NEK5: variants seen among roughly 807,000 people sequenced by gnomAD.
NEK5 encodes the protein NIMA related kinase 5, also known as serine/threonine-protein kinase Nek5.
Under a neutral mutation model 109.2 loss-of-function variants are expected in NEK5, and 88 were observed. That is an observed-to-expected ratio of 0.81 (90% CI 0.68 to 0.96). The LOEUF is 0.96. NEK5 is among the 40% of genes least tolerant of loss of function. The pLI is 0.00. For missense variants in NEK5, 834 were observed against 920.7 expected (o/e 0.91, Z 1.22); for synonymous variants, 283 against 299.9 (o/e 0.94, Z 0.58).
At chr13:52,079,966 G>C (rs1286553262) in intron 17 of NEK5, among the ~76,000 whole-genome samples, 3 of 151,734 alleles carry the variant, frequency 2.0e-5, no homozygotes, top group African/African-American at 4.8e-5. Context: ...TGTCTGGGAG[G>C]TGAGGAGCGT....
intron 23 of NEK5, among the ~76,000 whole-genome samples, chr13:52,047,861 A>G (rs776601164): frequency 1.3e-5 from 2 of 152,144 alleles, no homozygotes; most frequent in Non-Finnish European, 2.9e-5. Flanking sequence ...TGTTAAGTAA[A>G]TTATAATAAA....
intron 17 of NEK5, chr13:52,082,430 G>A: frequency 5.4e-6 from 4 of 743,868 alleles, no homozygotes; most frequent in Admixed American, 5.0e-5. Flanking sequence ...ATAACTCCTT[G>A]GAAAGTAAAA....
Position 52,102,249 on chromosome 13 carries a change from T to G in NEK5, c.653A>C (p.Gln218Pro). 6.2e-7 allele frequency: 1 copy of G among 1,614,146 alleles called. No homozygotes were observed. Among genetic ancestry groups the G allele is most frequent in the Non-Finnish European group, 8.5e-7 (1 of 1,180,008 alleles). ...NLQQLVLKIC[Q>P]AHFAPISPGF... Reference sequence around the variant, plus strand: ...CGGAGATATTGGGGCAAAATGTGCTTGACAAATCTTCAGAACCAGCTGCTG... The same window carrying G: ...CGGAGATATTGGGGCAAAATGTGCTGGACAAATCTTCAGAACCAGCTGCTG... Residue 218 changes from glutamine to proline, a missense_variant, in exon 10 of 24, where the codon CAA (glutamine) becomes CCA (proline). By Grantham distance (76) the Gln-to-Pro change is moderately conservative. Around this residue, in one of 2 missense-constraint regions of NEK5, gnomAD observed 777 missense variants for 824.7 expected, o/e 0.94. Coordinates refer to ENST00000684899, the MANE Select transcript of NEK5 (RefSeq NM_001365552.1).
intron 15 of NEK5, among the ~76,000 whole-genome samples, chr13:52,086,728 G>A (rs1008339127): frequency 4.6e-5 from 7 of 152,206 alleles, no homozygotes; most frequent in African/African-American, 1.4e-4. Flanking sequence ...TTGAAAACAG[G>A]GTCGCTGCAG....
At chr13:52,105,691 C>T (rs542096609) in intron 8 of NEK5, among the ~76,000 whole-genome samples, 1 of 152,260 alleles carries the variant, frequency 6.6e-6, no homozygotes, top group South Asian at 2.1e-4. Context: ...TCAGGCAGTA[C>T]TGCAGCCACC....
At chr13:52,079,471 C>A (rs373315457) in intron 17 of NEK5, among the ~76,000 whole-genome samples, 1 of 152,182 alleles carries the variant, frequency 6.6e-6, no homozygotes, top group Non-Finnish European at 1.5e-5. Flanking sequence ...GACTGGTTTT[C>A]GTATTTTTTT....
At chr13:52,123,969 A>G (rs781111066) in intron 3 of NEK5, among the ~76,000 whole-genome samples, 1 of 152,154 alleles carries the variant, frequency 6.6e-6, no homozygotes, top group Non-Finnish European at 1.5e-5. Context: ...GTTTTGGAGC[A>G]AATCAGAGAG....
At chr13:52,078,566 A>G (rs901209976) in intron 17 of NEK5, among the ~76,000 whole-genome samples, 5 of 151,158 alleles carry the variant, frequency 3.3e-5, no homozygotes, top group Non-Finnish European at 7.4e-5. Context: ...GTGGTTTATT[A>G]TGATCAATTA....
intron 21 of NEK5, among the ~76,000 whole-genome samples, chr13:52,063,534 ATCGT>A (rs1954633663): frequency 1.3e-5 from 1 of 74,396 alleles, no homozygotes; most frequent in African/African-American, 5.2e-5. Flanking sequence ...CCGGCCGCCC[ATCGT>A]CTGGGACGTG....
chr13:52,080,464 G>A (rs1210846131), intron 17 of NEK5, among the ~76,000 whole-genome samples: 1 of 152,180 alleles, frequency 6.6e-6, no homozygotes, highest in Non-Finnish European at 1.5e-5. Flanking sequence ...GGAAAGGCGG[G>A]GAAAAGATTG....
chr13:52,101,325 G>A (rs994325503), intron 11 of NEK5, among the ~76,000 whole-genome samples: 4 of 152,118 alleles, frequency 2.6e-5, no homozygotes, highest in African/African-American at 4.8e-5. Flanking sequence ...GCATGAACCC[G>A]GGAGGTGGAG....
chr13:52,080,104 CA>C (rs1954962433), intron 17 of NEK5, among the ~76,000 whole-genome samples: 1 of 151,954 alleles, frequency 6.6e-6, no homozygotes, highest in African/African-American at 2.4e-5. Context: ...ATCCGCCCGG[CA>C]GCCACCCCGT....
intron 12 of NEK5, among the ~76,000 whole-genome samples, chr13:52,096,023 T>C (rs192327440): frequency 5.8e-4 from 88 of 152,260 alleles, no homozygotes; most frequent in African/African-American, 2.0e-3. Flanking sequence ...CAAAAGTTTG[T>C]AGCGGCTACC....
chr13:52,082,034 G>A (rs972562647), intron 17 of NEK5, among the ~76,000 whole-genome samples: 3 of 152,140 alleles, frequency 2.0e-5, no homozygotes, highest in Non-Finnish European at 4.4e-5. Context: ...ATAATAATTC[G>A]CTCAGGCGGG....
intron 8 of NEK5, among the ~76,000 whole-genome samples, chr13:52,106,611 C>T (rs533173110): frequency 1.2e-4 from 19 of 152,030 alleles, no homozygotes; most frequent in Non-Finnish European, 2.5e-4. Context: ...ACTAAAAATA[C>T]AAAATATTAG....
chr13:52,037,094 A>G lies in NEK5; in HGVS notation c.2353T>C (p.Ser785Pro), dbSNP rs190335986. Residue 785 changes from serine (S) to proline (P), a missense_variant, in exon 24 of 24, where the codon TCA (serine) becomes CCA (proline). Around this residue, in one of 2 missense-constraint regions of NEK5, gnomAD observed 57 missense variants for 96.0 expected, o/e 0.59. Coordinates refer to ENST00000684899, the MANE Select transcript of NEK5 (RefSeq NM_001365552.1). ...ASSTSKDSRK[S>P]REREGISMQK... is the part of the protein sequence containing the mutation. The stretch of plus-strand genomic sequence containing the variant: ...ATACTTATCCCCTCTCTTTCTCTTG[A>G]CTTTCTAGAGTCCTTAGAGGTACTG... 18 of 985,198 alleles carry G rather than the reference A, an allele frequency of 1.8e-5. No homozygotes were observed. The African/African-American group carries it at 3.0e-4, about 16-fold the overall frequency. The allele number at this position is 985,198 out of a possible 1,614,324, so 61.0% of individuals were successfully genotyped here. A position where few individuals can be genotyped will look rare whatever the true frequency, so the allele number is the denominator to read the frequency against.
At chr13:52,120,285 A>G (rs1456503444) in intron 3 of NEK5, among the ~76,000 whole-genome samples, 4 of 152,174 alleles carry the variant, frequency 2.6e-5, no homozygotes, top group East Asian at 1.9e-4. Flanking sequence ...TTGTATAGTC[A>G]GTACATAGGA....
At chr13:52,112,471 T>C (rs1778368017) in intron 4 of NEK5, 106 bp from the exon 5 acceptor site, 1 of 678,410 alleles carries the variant, frequency 1.5e-6, no homozygotes. Context: ...ACTATACCAT[T>C]TATATTTCTT....
At chr13:52,107,715 T>C (rs1955681934) in intron 8 of NEK5, among the ~76,000 whole-genome samples, 1 of 152,118 alleles carries the variant, frequency 6.6e-6, no homozygotes, top group East Asian at 1.9e-4. Flanking sequence ...GAAGGAATTC[T>C]TAACAAGGAG....
Sources: gnomAD v4.1 joint callset for allele counts (sites outside exome capture counted in the v4.1 genomes callset) on GRCh38, gnomAD v4.1.1 for gene constraint, gnomAD v4.1.1 regional missense constraint, MANE v1.5 for transcripts, NCBI Gene and HGNC (gene_info 2026-07-23, HGNC 2026-07-21) for gene names.